SLC22A23: variants seen among roughly 807,000 people sequenced by gnomAD.
SLC22A23 encodes the protein ion transporter protein.
In SLC22A23, 26 loss-of-function variants were observed where a neutral mutation model predicts 61.0. The ratio of observed to expected loss-of-function variants is 0.43; its 90% CI spans 0.31 to 0.59. SLC22A23 has a LOEUF of 0.59. Ranked by LOEUF, SLC22A23 falls within the 20% of genes least tolerant of loss-of-function variation. The probability of loss-of-function intolerance (pLI) is 0.11; values close to 1 mark genes in which losing one functional copy is unlikely to be tolerated. For synonymous variants in SLC22A23, 430 were observed against 413.9 expected (o/e 1.04, Z -0.47); for missense variants, 796 against 934.7 (o/e 0.85, Z 1.94).
chr6:3,393,493 A>C (rs1767800013), intron 3 of SLC22A23, among the ~76,000 whole-genome samples: 2 of 152,236 alleles, frequency 1.3e-5, no homozygotes, highest in Middle Eastern at 3.2e-3. Flanking sequence ...GGTAGAGAAC[A>C]TTTGCCTTGA....
At chr6:3,371,036 T>A (rs2127462729) in intron 3 of SLC22A23, among the ~76,000 whole-genome samples, 1 of 152,340 alleles carries the variant, frequency 6.6e-6, no homozygotes, top group South Asian at 2.1e-4. Context: ...CTGACGAGGA[T>A]GTTATTTTGA....
chr6:3,300,395 C>G (rs1194881480), intron 4 of SLC22A23, among the ~76,000 whole-genome samples: 2 of 152,120 alleles, frequency 1.3e-5, no homozygotes. Flanking sequence ...ATGTTGGAAA[C>G]TAAACCCCAA....
At chr6:3,306,548 A>G (rs2127371561) in intron 4 of SLC22A23, among the ~76,000 whole-genome samples, 1 of 152,336 alleles carries the variant, frequency 6.6e-6, no homozygotes, top group Middle Eastern at 3.4e-3. Context: ...CAGCTATTCA[A>G]TGGCAGAGCT....
chr6:3,448,165 A>G (rs554112844), intron 1 of SLC22A23, among the ~76,000 whole-genome samples: 75 of 152,026 alleles, frequency 4.9e-4, no homozygotes, highest in African/African-American at 1.7e-3. Flanking sequence ...GGCCTCCCGA[A>G]GTGCTGGGAT....
At position 3,375,053 on chromosome 6, in the gene SLC22A23, T is replaced by A. The variant is rs558769155; in HGVS notation, c.913+35135A>T. Among the ~76,000 whole-genome samples the A allele has an allele frequency of 2.6e-5, 4 of 152,294 alleles. No homozygotes were observed. In the East Asian group the frequency reaches 5.8e-4, roughly 22 times the overall value. On this transcript the variant is annotated intron_variant, in intron 3 of 9. Transcript: ENST00000406686. ...ACGGTGCTGATGATGGGAGTAAGGA[T>A]GTCTTGGAAGAAAATCCAAACATTC...
intron 9 of SLC22A23, among the ~76,000 whole-genome samples, chr6:3,280,094 T>C (rs991735404): frequency 3.9e-5 from 6 of 152,218 alleles, no homozygotes; most frequent in African/African-American, 1.4e-4. Flanking sequence ...AAGCAAATAT[T>C]TGTACCATTT....
intron 1 of SLC22A23, among the ~76,000 whole-genome samples, chr6:3,455,479 A>C (rs1425122954): frequency 6.6e-6 from 1 of 152,172 alleles, no homozygotes; most frequent in East Asian, 1.9e-4. Flanking sequence ...AGTAGGCTTT[A>C]CCTGTGTCAA....
intron 3 of SLC22A23, among the ~76,000 whole-genome samples, chr6:3,404,696 A>G (rs1768672572): frequency 6.6e-6 from 1 of 152,100 alleles, no homozygotes; most frequent in Admixed American, 6.5e-5. Context: ...GCCTCACCAG[A>G]TGCTTCTATT....
intron 3 of SLC22A23, among the ~76,000 whole-genome samples, chr6:3,356,300 C>T (rs1378055562): frequency 1.3e-5 from 2 of 151,364 alleles, no homozygotes; most frequent in South Asian, 2.1e-4. Flanking sequence ...CAAAAGGAAA[C>T]CGGTGGGCCA....
intron 3 of SLC22A23, among the ~76,000 whole-genome samples, chr6:3,353,509 G>A (rs1490703297): frequency 6.6e-6 from 1 of 152,166 alleles, no homozygotes; most frequent in East Asian, 1.9e-4. Context: ...GATGTCACCT[G>A]CTTGATTGAG....
intron 1 of SLC22A23, among the ~76,000 whole-genome samples, chr6:3,455,677 G>C (rs1772363709): frequency 6.6e-6 from 1 of 152,224 alleles, no homozygotes; most frequent in African/African-American, 2.4e-5. Context: ...CTTTCCATCC[G>C]CGTACTGGGA....
intron 1 of SLC22A23, 88 bp from the exon 2 acceptor site, chr6:3,415,943 C>A: frequency 1.1e-6 from 1 of 918,972 alleles, no homozygotes; most frequent in Non-Finnish European, 1.7e-6. Flanking sequence ...AATAACCCTG[C>A]AGGGACCACC....
chr6:3,292,450 CT>C (rs1561873044), intron 5 of SLC22A23, among the ~76,000 whole-genome samples: 9 of 152,124 alleles, frequency 5.9e-5, no homozygotes, highest in African/African-American at 2.2e-4. Context: ...ACACTGGCAT[CT>C]AGGATTTGCT....
At chr6:3,402,442 AGT>A in intron 3 of SLC22A23, among the ~76,000 whole-genome samples, 1 of 149,962 alleles carries the variant, frequency 6.7e-6, no homozygotes, top group African/African-American at 2.5e-5. Context: ...CACTACCCAG[AGT>A]GCACTAGGCT....
intron 5 of SLC22A23, among the ~76,000 whole-genome samples, chr6:3,293,435 GGGCCACTC>G (rs1029901973): frequency 1.9e-4 from 29 of 152,356 alleles, no homozygotes; most frequent in African/African-American, 3.1e-4. Context: ...ATTTAGAATG[GGGCCACTC>G]GGCCACTCGA....
intron 9 of SLC22A23, among the ~76,000 whole-genome samples, chr6:3,278,301 C>T (rs1759098686): frequency 6.6e-6 from 1 of 152,184 alleles, no homozygotes; most frequent in South Asian, 2.1e-4. Flanking sequence ...ATTAGAAAGC[C>T]CTTCCCAGGG....
chr6:3,290,289 C>G (rs929119211), intron 5 of SLC22A23: 7 of 222,976 alleles, frequency 3.1e-5, no homozygotes, highest in Admixed American at 1.1e-4. Flanking sequence ...CACTCTACAT[C>G]TGCCTGTGTC....
intron 8 of SLC22A23, 133 bp from the exon 9 acceptor site, chr6:3,284,108 C>T (rs1759744143): frequency 1.1e-6 from 1 of 883,280 alleles, no homozygotes; most frequent in Non-Finnish European, 1.7e-6. Context: ...GCAATTCCCT[C>T]TGGGGACCAA....
chr6:3,386,556 C>G lies in SLC22A23; in HGVS notation c.913+23632G>C, dbSNP rs1018884247. Among the ~76,000 whole-genome samples the G allele has an allele frequency of 2.6e-5, 4 of 152,248 alleles. No individual in the cohort carries two copies. The highest frequency in any genetic ancestry group is 7.2e-5 in the African/African-American group (3 of 41,468). On this transcript the variant is annotated intron_variant, in intron 3 of 9. Coordinates refer to ENST00000406686, the MANE Select transcript of SLC22A23 (RefSeq NM_015482.2). The surrounding 1 kb of genome is among the most constrained non-coding windows in gnomAD (Gnocchi z 4.4). ...CTTGTTCTTCCAGACACAGAGGAGG[C>G]TGGCACTGCCAGGCTTGGAGGCTGC...
Sources: gnomAD v4.1 joint callset for allele counts (sites outside exome capture counted in the v4.1 genomes callset) on GRCh38, gnomAD v4.1.1 for gene constraint, Gnocchi (gnomAD v3.1) non-coding constraint, MANE v1.5 for transcripts, NCBI Gene and HGNC (gene_info 2026-07-23, HGNC 2026-07-21) for gene names.